KRT222: variants seen among roughly 807,000 people sequenced by gnomAD.
KRT222 encodes the protein keratin-like protein KRT222.
In KRT222, 23 loss-of-function variants were observed where a neutral mutation model predicts 35.0. That is an observed-to-expected ratio of 0.66 (90% CI 0.47 to 0.93). KRT222 has a LOEUF of 0.93. KRT222 is among the 40% of genes least tolerant of loss of function. The pLI, the probability that KRT222 is intolerant of heterozygous loss-of-function variation, is 0.00. For missense variants in KRT222, 339 were observed against 346.3 expected (o/e 0.98, Z 0.17); for synonymous variants, 108 against 118.8 (o/e 0.91, Z 0.59).
At chr17:40,662,121 T>A (rs2037387997) in intron 1 of KRT222, 77 bp from the exon 2 acceptor site, 2 of 1,555,350 alleles carry the variant, frequency 1.3e-6, no homozygotes, top group African/African-American at 2.7e-5. Flanking sequence ...GTAAAAGCAA[T>A]TATAGAAAAA....
In KRT222 at chr17:40,657,884, C is replaced by T. The variant is rs1471174827; in HGVS notation, c.447-134G>A. On this transcript the variant is annotated intron_variant, in intron 3 of 5. Coordinates refer to ENST00000394052, the MANE Select transcript of KRT222 (RefSeq NM_152349.3). Reference sequence around the variant, plus strand: ...ACTGAAAAGAAATGAACTAAGGCTTCACCGTATCTTTATGGATTGATCCCC... The same window carrying T: ...ACTGAAAAGAAATGAACTAAGGCTTTACCGTATCTTTATGGATTGATCCCC... 30 of 599,496 alleles carry T rather than the reference C, an allele frequency of 5.0e-5. No individual in the cohort carries two copies. The South Asian group carries it at 6.8e-4, about 14-fold the overall frequency. The allele number at this position is 599,496 out of a possible 1,614,324, so 37.1% of individuals were successfully genotyped here. A position where few individuals can be genotyped will look rare whatever the true frequency, so the allele number is the denominator to read the frequency against.
At chr17:40,659,423 C>T (rs1567853237) in intron 3 of KRT222, among the ~76,000 whole-genome samples, 1 of 152,128 alleles carries the variant, frequency 6.6e-6, no homozygotes, top group African/African-American at 2.4e-5. Flanking sequence ...GATCCGCCCA[C>T]CTCAGCCTCC....
chr17:40,660,437 GC>G (rs2037375536), intron 2 of KRT222, among the ~76,000 whole-genome samples: 1 of 151,688 alleles, frequency 6.6e-6, no homozygotes, highest in Non-Finnish European at 1.5e-5. Flanking sequence ...GTGCCACCAC[GC>G]CCGGCTAATT....
In KRT222 at chr17:40,664,988, T is replaced by C; in HGVS notation, c.96+16A>G. 6.2e-7 allele frequency: 1 copy of C among 1,613,936 alleles called. No individual in the cohort carries two copies. Among genetic ancestry groups the C allele is most frequent in the Non-Finnish European group, 8.5e-7 (1 of 1,179,974 alleles). On this transcript the variant is annotated intron_variant, in intron 1 of 5. Transcript: ENST00000394052. ...CTCCTTATTCTGGAAGGTGCCTGTC[T>C]GTATGAAATCATTACCTGGATCCTT...
chr17:40,660,851 T>TA (rs1237189510), intron 2 of KRT222, among the ~76,000 whole-genome samples: 126 of 139,578 alleles, frequency 9.0e-4, no homozygotes, highest in Non-Finnish European at 1.5e-3. Context: ...GTAGGCTTTG[T>TA]AAAAAAAAAA....
Position 40,657,803 on chromosome 17 carries a change from T to G in KRT222, c.447-53A>C, listed in dbSNP as rs1597756697. 2.5e-6 allele frequency: 3 copies of G among 1,197,218 alleles called. No homozygotes were observed. In the East Asian group the frequency reaches 7.0e-5, roughly 28 times the overall value. 74.2% of individuals were successfully genotyped at this position (1,197,218 alleles called of 1,614,324 possible). A position where few individuals can be genotyped will look rare whatever the true frequency, so the allele number is the denominator to read the frequency against. On this transcript the variant is annotated intron_variant, in intron 3 of 5. Coordinates refer to ENST00000394052, the MANE Select transcript of KRT222 (RefSeq NM_152349.3). The stretch of plus-strand genomic sequence containing the variant: ...GAGCAACACTGTATCAGCAAATAAT[T>G]AAAACAAACAGGAGAATGGATAAAT...
chr17:40,662,137 T>C (rs944530689), intron 1 of KRT222, 93 bp from the exon 2 acceptor site: 30 of 1,499,760 alleles, frequency 2.0e-5, no homozygotes, highest in East Asian at 1.1e-4. Flanking sequence ...AAAAATTGTA[T>C]AGGAATCAAA....
chr17:40,664,706 G>GT (rs1567854363), intron 1 of KRT222, among the ~76,000 whole-genome samples: 1 of 152,178 alleles, frequency 6.6e-6, no homozygotes. Context: ...CCTGAAGATT[G>GT]TAAGAGGTTA....
At chr17:40,662,824 G>A (rs1281658723) in intron 1 of KRT222, among the ~76,000 whole-genome samples, 2 of 151,914 alleles carry the variant, frequency 1.3e-5, no homozygotes, top group East Asian at 1.9e-4. Flanking sequence ...TTAACATTTG[G>A]CCCCAGGAAC....
At chr17:40,660,257 C>A in intron 2 of KRT222, 50 bp from the exon 3 acceptor site, 12 of 1,414,824 alleles carry the variant, frequency 8.5e-6, no homozygotes, top group Non-Finnish European at 1.2e-5. Context: ...GAATGTGTTT[C>A]TGAAATCTGA....
chr17:40,655,939 T>C lies in KRT222; in HGVS notation c.*463A>G, dbSNP rs1210910708. ...GTTTATAATTGCTCTTTTTGAAAAA[T>C]AGAACAAACATTGTAGGTTTAACCA... On this transcript the variant is annotated 3_prime_UTR_variant, in exon 6 of 6. Transcript: ENST00000394052. 1 of 152,290 alleles carries C rather than the reference T, an allele frequency of 6.6e-6. No individual in the cohort carries two copies. Among genetic ancestry groups the C allele is most frequent in the African/African-American group, 2.4e-5 (1 of 41,438 alleles). The allele number at this position is 152,290 out of a possible 1,614,324, so 9.4% of individuals were successfully genotyped here.
intron 2 of KRT222, among the ~76,000 whole-genome samples, chr17:40,660,588 CTA>C (rs1219608261): frequency 6.6e-6 from 1 of 151,948 alleles, no homozygotes; most frequent in Admixed American, 6.6e-5. Flanking sequence ...TGTCTTCATT[CTA>C]TGTTCTATTT....
chr17:40,657,541 C>T, intron 4 of KRT222, 54 bp from the exon 5 acceptor site: 1 of 1,483,830 alleles, frequency 6.7e-7, no homozygotes, highest in South Asian at 1.3e-5. Flanking sequence ...TTACTGTTCA[C>T]AAATTATATT....
At chr17:40,664,773 T>C (rs763004020) in intron 1 of KRT222, 56 of 606,486 alleles carry the variant, frequency 9.2e-5, no homozygotes, top group Non-Finnish European at 1.4e-4. Flanking sequence ...CCTCACAATT[T>C]ATATAAAAAT....
chr17:40,662,564 G>A (rs1472842432), intron 1 of KRT222, among the ~76,000 whole-genome samples: 2 of 152,162 alleles, frequency 1.3e-5, no homozygotes, highest in African/African-American at 4.8e-5. Context: ...AGTTGTTATA[G>A]GCAATAAGGC....
chr17:40,658,022 T>C (rs1442260573), intron 3 of KRT222, among the ~76,000 whole-genome samples: 1 of 152,100 alleles, frequency 6.6e-6, no homozygotes, highest in Non-Finnish European at 1.5e-5. Context: ...TAAATAAATG[T>C]ATGGGACTAA....
intron 1 of KRT222, among the ~76,000 whole-genome samples, chr17:40,662,329 T>C (rs1567853911): frequency 6.6e-6 from 1 of 152,226 alleles, no homozygotes; most frequent in Non-Finnish European, 1.5e-5. Context: ...TGAAAACAGT[T>C]TGCAGGACCA....
At chr17:40,657,320 T>A in intron 5 of KRT222, 32 bp downstream of exon 5, 1 of 1,417,548 alleles carries the variant, frequency 7.1e-7, no homozygotes, top group Non-Finnish European at 9.4e-7. Flanking sequence ...ATATATTTAT[T>A]ATTATTTCTT....
At chr17:40,657,537 T>C (rs1006937735) in intron 4 of KRT222, 50 bp from the exon 5 acceptor site, 2 of 1,507,728 alleles carry the variant, frequency 1.3e-6, no homozygotes, top group Non-Finnish European at 1.8e-6. Flanking sequence ...TGAATTACTG[T>C]TCACAAATTA....
Sources: allele counts gnomAD v4.1 joint callset (sites outside exome capture counted in the v4.1 genomes callset), GRCh38; gene constraint gnomAD v4.1.1; transcripts MANE v1.5; gene names NCBI Gene and HGNC (gene_info 2026-07-23, HGNC 2026-07-21).